The following RAB28 variants were observed in gnomAD, a reference collection of about 807,000 sequenced individuals.
RAB28 encodes RAB28, member RAS oncogene family.
A neutral mutation model predicts 31.7 loss-of-function variants in RAB28; 24 were observed. That is an observed-to-expected ratio of 0.76 (90% CI 0.55 to 1.06). RAB28 has a LOEUF of 1.06. Among genes scored for constraint, RAB28 ranks in the 50% least tolerant of loss-of-function variants. The pLI is 0.00. For synonymous variants in RAB28, 100 were observed against 90.4 expected (o/e 1.11, Z -0.60); for missense variants, 254 against 258.5 (o/e 0.98, Z 0.12).
At chr4:13,474,856 A>G (rs1307140912) in intron 2 of RAB28, among the ~76,000 whole-genome samples, 1 of 151,606 alleles carries the variant, frequency 6.6e-6, no homozygotes, top group East Asian at 1.9e-4. Flanking sequence ...CTCATGGAAT[A>G]ATAGCAAACT....
chr4:13,417,832 C>T (rs1434213116), intron 4 of RAB28, among the ~76,000 whole-genome samples: 1 of 152,188 alleles, frequency 6.6e-6, no homozygotes, highest in Non-Finnish European at 1.5e-5. Context: ...AAGACCAGAA[C>T]ACCTCTTCTC....
At chr4:13,430,017 A>C (rs562334120) in intron 4 of RAB28, among the ~76,000 whole-genome samples, 1 of 152,352 alleles carries the variant, frequency 6.6e-6, no homozygotes, top group South Asian at 2.1e-4. Context: ...GTGAGAGTCC[A>C]GCAATAAACC....
At chr4:13,459,259 T>G (rs1715464229) in intron 4 of RAB28, among the ~76,000 whole-genome samples, 1 of 152,200 alleles carries the variant, frequency 6.6e-6, no homozygotes, top group Non-Finnish European at 1.5e-5. Flanking sequence ...CTCGGACTGA[T>G]CCACTACTGG....
chr4:13,413,894 C>T (rs1242813556), intron 4 of RAB28, among the ~76,000 whole-genome samples: 1 of 152,180 alleles, frequency 6.6e-6, no homozygotes, highest in Non-Finnish European at 1.5e-5. Flanking sequence ...AGCTTGCCAG[C>T]TGGCCAGCAT....
chr4:13,404,929 CTTT>C (rs76156995), intron 4 of RAB28, among the ~76,000 whole-genome samples: 2 of 134,172 alleles, frequency 1.5e-5, no homozygotes, highest in Non-Finnish European at 1.6e-5. Flanking sequence ...TCACTCTGTA[CTTT>C]TTTTTTTTTT....
intron 3 of RAB28, among the ~76,000 whole-genome samples, chr4:13,472,327 G>T (rs1208895921): frequency 6.6e-6 from 1 of 151,368 alleles, no homozygotes; most frequent in Non-Finnish European, 1.5e-5. Flanking sequence ...ATACACTTCA[G>T]AATGGTTAAC....
At chr4:13,472,073 T>C (rs17395079) in intron 3 of RAB28, among the ~76,000 whole-genome samples, 61,954 of 151,968 alleles carry the variant, frequency 0.41, 15,019 homozygotes, top group East Asian at 0.61. Context: ...ATATATACTG[T>C]CAAAAACTGA....
At chr4:13,397,754 T>C (rs977071971) in intron 4 of RAB28, among the ~76,000 whole-genome samples, 1 of 152,272 alleles carries the variant, frequency 6.6e-6, no homozygotes, top group Non-Finnish European at 1.5e-5. Context: ...TCTACAATTA[T>C]TATCACCTGA....
At chr4:13,454,914 G>A (rs1715214446) in intron 4 of RAB28, among the ~76,000 whole-genome samples, 1 of 152,222 alleles carries the variant, frequency 6.6e-6, no homozygotes. Context: ...CTATTTCTCA[G>A]GCCTGGGACA....
chr4:13,440,400 T>A (rs1714354143), intron 4 of RAB28, among the ~76,000 whole-genome samples: 1 of 152,130 alleles, frequency 6.6e-6, no homozygotes, highest in African/African-American at 2.4e-5. Flanking sequence ...CTTCTTTAAT[T>A]TGCACAGCAT....
At position 13,371,965 on chromosome 4, in the gene RAB28, T is replaced by C. The variant is rs1728730989; in HGVS notation, c.574-3315A>G. ...ATACTGGAAATGGAAGTGGCAGCCA[T>C]GGAGGGCATAAGCAAGAAAGCAACC... On this transcript the variant is annotated intron_variant, in intron 6 of 6. Coordinates refer to ENST00000330852, the MANE Select transcript of RAB28 (RefSeq NM_001017979.3). The C allele has an allele frequency of 5.8e-6, 7 of 1,211,120 alleles. No individual in the cohort carries two copies. In the South Asian group the frequency reaches 6.6e-5, roughly 11 times the overall value. The allele number at this position is 1,211,120 out of a possible 1,614,324, so 75.0% of individuals were successfully genotyped here. A position where few individuals can be genotyped will look rare whatever the true frequency, so the allele number is the denominator to read the frequency against.
rs58965843 is a variant in RAB28 at position 13,375,794 on chromosome 4, CAGAGAG to C, written c.573+745_573+750del. On this transcript the variant is annotated intron_variant, in intron 6 of 6. Transcript: ENST00000330852. ...ACACACACACACACACACACACACA[CAGAGAG>C]AGAGAGAGACCATGAGAAAAAGATA... Among the ~76,000 whole-genome samples, 263 of 148,208 alleles carry C rather than the reference CAGAGAG, an allele frequency of 1.8e-3. 1 individual carries two copies. Among genetic ancestry groups the C allele is most frequent in the African/African-American group, 6.2e-3 (245 of 39,382 alleles).
At chr4:13,378,395 A>G (rs1729003354) in intron 5 of RAB28, among the ~76,000 whole-genome samples, 1 of 152,190 alleles carries the variant, frequency 6.6e-6, no homozygotes, top group Non-Finnish European at 1.5e-5. Context: ...GAATAATAGC[A>G]GTTTGGGTAA....
intron 2 of RAB28, among the ~76,000 whole-genome samples, chr4:13,476,841 G>A (rs1411271641): frequency 6.6e-6 from 1 of 151,464 alleles, no homozygotes; most frequent in Non-Finnish European, 1.5e-5. Flanking sequence ...CAAAATTCCT[G>A]TTCCTCTGTA....
intron 4 of RAB28, among the ~76,000 whole-genome samples, chr4:13,430,029 A>C (rs1237369699): frequency 6.6e-6 from 1 of 152,208 alleles, no homozygotes; most frequent in Non-Finnish European, 1.5e-5. Context: ...CAATAAACCC[A>C]AACAACTGTA....
rs969033214 is a variant in RAB28, at chr4:13,455,403, C to T, written c.391+5296G>A. On this transcript the variant is annotated intron_variant, in intron 4 of 6. Coordinates refer to ENST00000330852, the MANE Select transcript of RAB28 (RefSeq NM_001017979.3). ...GAGTGTGGGCAGTGGGGACTGGTTC[C>T]CCTGCTGTGCAGGACCAGAGTCACA... Among the ~76,000 whole-genome samples the T allele has an allele frequency of 4.6e-5, 7 of 152,156 alleles. No individual in the cohort carries two copies. The East Asian group carries it at 1.2e-3, about 25-fold the overall frequency.
At position 13,379,186 on chromosome 4, in the gene RAB28, A is replaced by G. The variant is rs1480421867; in HGVS notation, c.495+2305T>C. On this transcript the variant is annotated intron_variant, in intron 5 of 6. Transcript: ENST00000330852. ...GCACCACTGCACTCCAGCCCGGAGG[A>G]CACAGTGAAACTCTGTCTCAAAAAA... Among the ~76,000 whole-genome samples, 5 of 136,446 alleles carry G rather than the reference A, an allele frequency of 3.7e-5. 1 individual carries two copies. Among genetic ancestry groups the G allele is most frequent in the Admixed American group, 8.0e-5 (1 of 12,456 alleles). The allele number at this position is 136,446 out of a possible 152,430, so 89.5% of individuals were successfully genotyped here.
At chr4:13,377,477 G>C (rs889702562) in intron 5 of RAB28, among the ~76,000 whole-genome samples, 10 of 152,128 alleles carry the variant, frequency 6.6e-5, no homozygotes, top group Admixed American at 2.0e-4. Context: ...TTCACTGATG[G>C]TCAATGGTCA....
At chr4:13,418,477 GA>G (rs1223663567) in intron 4 of RAB28, among the ~76,000 whole-genome samples, 1 of 152,070 alleles carries the variant, frequency 6.6e-6, no homozygotes, top group Non-Finnish European at 1.5e-5. Flanking sequence ...TGAAATGAAG[GA>G]AAAAATGTTA....
Sources: gnomAD v4.1 joint callset for allele counts (sites outside exome capture counted in the v4.1 genomes callset) on GRCh38, gnomAD v4.1.1 for gene constraint, MANE v1.5 for transcripts, NCBI Gene and HGNC (gene_info 2026-07-23, HGNC 2026-07-21) for gene names.